Variants in PEX14 observed in about 807,000 individuals in gnomAD.
PEX14 encodes peroxisomal membrane protein PEX14.
PEX14 carries 15 observed loss-of-function variants against 49.5 expected under a neutral mutation model. That is an observed-to-expected ratio of 0.30 (90% CI 0.20 to 0.47). PEX14 has a LOEUF of 0.47. PEX14 is among the 20% of genes least tolerant of loss of function. PEX14 has a pLI of 1.00. For synonymous variants in PEX14, 210 were observed against 212.7 expected, an observed-to-expected ratio of 0.99 and a Z score of 0.11; for missense variants, 398 against 494.8, an observed-to-expected ratio of 0.80 and a Z score of 1.86.
chr1:10,560,865 A>ACAC (rs1467505236), intron 3 of PEX14, among the ~76,000 whole-genome samples: 2 of 151,162 alleles, frequency 1.3e-5, no homozygotes, highest in Non-Finnish European at 3.0e-5. Flanking sequence ...TTATAGGCGC[A>ACAC]CACCACCACG....
Position 10,580,707 on chromosome 1 carries a change from TA to T in PEX14, c.170-18522del, listed in dbSNP as rs943870738. ...TATTGTAATCCCTAGAGGGACCACT[TA>T]AAAAAAAATACTAAGAAATATTTAA... On this transcript the variant is annotated intron_variant, in intron 3 of 8. Transcript: ENST00000356607. Among the ~76,000 whole-genome samples, 52 of 150,608 alleles carry T rather than the reference TA, an allele frequency of 3.5e-4. 3 individuals are homozygous for T. In the East Asian group the frequency reaches 8.0e-3, roughly 23 times the overall value.
chr1:10,606,213 C>T (rs1641120915), intron 4 of PEX14, among the ~76,000 whole-genome samples: 1 of 152,362 alleles, frequency 6.6e-6, no homozygotes, highest in African/African-American at 2.4e-5. Context: ...GAACCCTACT[C>T]TGCCTCACTG....
intron 4 of PEX14, among the ~76,000 whole-genome samples, chr1:10,604,252 G>T (rs977934092): frequency 3.9e-5 from 6 of 152,184 alleles, no homozygotes; most frequent in African/African-American, 1.4e-4. Context: ...GGGCTGCTTG[G>T]TTCAGTGATC....
At chr1:10,593,446 G>A (rs1402043779) in intron 3 of PEX14, among the ~76,000 whole-genome samples, 2 of 151,996 alleles carry the variant, frequency 1.3e-5, no homozygotes, top group Non-Finnish European at 2.9e-5. Flanking sequence ...TTAAGGAGAG[G>A]GGAAAGTCTC....
chr1:10,476,697 G>A (rs558636255), intron 1 of PEX14, among the ~76,000 whole-genome samples: 28 of 152,116 alleles, frequency 1.8e-4, no homozygotes, highest in African/African-American at 6.0e-4. Context: ...CACCATGTTG[G>A]CCAGGCTGGT....
chr1:10,524,015 AT>A (rs1240086931), intron 2 of PEX14, among the ~76,000 whole-genome samples: 11 of 152,016 alleles, frequency 7.2e-5, no homozygotes, highest in African/African-American at 2.7e-4. Context: ...TTTTGGTATC[AT>A]TTTTTTATTT....
At position 10,615,023 on chromosome 1, in the gene PEX14, G is replaced by A. The variant is rs962873650; in HGVS notation, c.299-3309G>A. ...GTGCTCTTAGAGCTCCCTGTATAACGAGAGGTGATTTGTGTCGGGTGGGGG... is the reference window on the plus strand; with the variant it reads ...GTGCTCTTAGAGCTCCCTGTATAACAAGAGGTGATTTGTGTCGGGTGGGGG... On this transcript the variant is annotated intron_variant, in intron 4 of 8. Coordinates refer to ENST00000356607, the MANE Select transcript of PEX14 (RefSeq NM_004565.3). 9.8e-5 allele frequency among the ~76,000 whole-genome samples: 15 copies of A among 152,298 alleles called. No individual in the cohort carries two copies. In the East Asian group the frequency reaches 2.1e-3, roughly 22 times the overall value.
At chr1:10,599,455 C>A in intron 4 of PEX14, 89 bp downstream of exon 4, 1 of 1,471,726 alleles carries the variant, frequency 6.8e-7, no homozygotes, top group Non-Finnish European at 9.5e-7. Flanking sequence ...CCAGACTTAG[C>A]AAACCAGGAG....
intron 3 of PEX14, among the ~76,000 whole-genome samples, chr1:10,579,266 A>C (rs1244055439): frequency 6.6e-6 from 1 of 152,148 alleles, no homozygotes; most frequent in Non-Finnish European, 1.5e-5. Context: ...GAAAAAAGAC[A>C]CTTTATCTAG....
At chr1:10,611,094 G>A (rs1425387856) in intron 4 of PEX14, among the ~76,000 whole-genome samples, 9 of 151,966 alleles carry the variant, frequency 5.9e-5, no homozygotes, top group Non-Finnish European at 1.0e-4. Context: ...GTGAAACCCT[G>A]TCTGTACTAA....
At chr1:10,598,879 CT>C (rs58484171) in intron 3 of PEX14, among the ~76,000 whole-genome samples, 13 of 131,720 alleles carry the variant, frequency 9.9e-5, no homozygotes, top group South Asian at 2.8e-4. Flanking sequence ...TTTTTCCCCT[CT>C]TTTTTTTTTA....
Position 10,618,408 on chromosome 1 carries a change from G to A in PEX14, c.375G>A (p.Gln125=). 1 of 1,612,480 alleles carries A rather than the reference G, an allele frequency of 6.2e-7. No individual in the cohort carries two copies. The highest frequency in any genetic ancestry group is 8.5e-7 in the Non-Finnish European group (1 of 1,178,976). The part of the protein sequence containing the change: ...IMAGIAFGFH[Q]LYKKYLLPLI... ...CAGGCATTGCATTTGGCTTTCACCA[G>A]CTCTACAAGGTGAGTCACCCCCAGC... The change falls in exon 5 of 9, where the codon CAG becomes CAA. Residue 125 remains glutamine (Q), a synonymous_variant. Transcript: ENST00000356607.
At chr1:10,559,729 A>G (rs959538193) in intron 3 of PEX14, among the ~76,000 whole-genome samples, 3 of 152,212 alleles carry the variant, frequency 2.0e-5, no homozygotes. Flanking sequence ...TATTTATTCT[A>G]CAGAACTAGA....
chr1:10,576,106 T>C lies in PEX14; in HGVS notation c.170-23132T>C, dbSNP rs1379222253. On this transcript the variant is annotated intron_variant, in intron 3 of 8. Transcript: ENST00000356607. ...AGTGCTTTACTTATTGATTTTTAAA[T>C]ACCCTTTATATATTAAGAATATTAG... Among the ~76,000 whole-genome samples, 9 of 152,328 alleles carry C rather than the reference T, an allele frequency of 5.9e-5. No homozygotes were observed. In the East Asian group the frequency reaches 1.7e-3, roughly 29 times the overall value.
At chr1:10,525,681 A>G (rs1638451575) in intron 2 of PEX14, among the ~76,000 whole-genome samples, 1 of 152,182 alleles carries the variant, frequency 6.6e-6, no homozygotes, top group South Asian at 2.1e-4. Flanking sequence ...GCTGGAGTGC[A>G]ATGGCGTGGT....
chr1:10,594,750 G>A (rs942010866), intron 3 of PEX14, among the ~76,000 whole-genome samples: 4 of 152,172 alleles, frequency 2.6e-5, no homozygotes, highest in East Asian at 1.9e-4. Context: ...GGCCTGTCCC[G>A]CAGAGAAAAG....
chr1:10,598,006 G>T (rs1172798582), intron 3 of PEX14, among the ~76,000 whole-genome samples: 5 of 152,212 alleles, frequency 3.3e-5, no homozygotes, highest in African/African-American at 7.2e-5. Context: ...TCCTTTTGAA[G>T]ATGCTGATCC....
intron 4 of PEX14, among the ~76,000 whole-genome samples, chr1:10,603,150 A>C (rs1340012835): frequency 6.6e-6 from 1 of 152,206 alleles, no homozygotes; most frequent in Non-Finnish European, 1.5e-5. Context: ...AGCAAATGCC[A>C]GTGTTGGCAG....
intron 3 of PEX14, among the ~76,000 whole-genome samples, chr1:10,587,511 T>C (rs1640529931): frequency 6.6e-6 from 1 of 152,162 alleles, no homozygotes; most frequent in Admixed American, 6.5e-5. Context: ...GATAAAAAGC[T>C]TAATAGCATC....
Sources: gnomAD v4.1 joint callset for allele counts (sites outside exome capture counted in the v4.1 genomes callset) on GRCh38, gnomAD v4.1.1 for gene constraint, MANE v1.5 for transcripts, NCBI Gene and HGNC (gene_info 2026-07-23, HGNC 2026-07-21) for gene names.